Variants in SHISA9 observed in about 807,000 individuals in gnomAD.
SHISA9 encodes the protein protein shisa-9.
SHISA9 carries 13 observed loss-of-function variants against 38.0 expected under a neutral mutation model. The observed-to-expected ratio is 0.34, with a 90% CI of 0.22 to 0.54. SHISA9 has a LOEUF of 0.54. SHISA9 is among the 20% of genes least tolerant of loss of function. SHISA9 has a pLI of 0.91. For synonymous variants in SHISA9, 275 were observed against 242.0 expected, an observed-to-expected ratio of 1.14 and a Z score of -1.27; for missense variants, 538 against 575.8, an observed-to-expected ratio of 0.93 and a Z score of 0.67.
At chr16:13,383,327 A>T in the SHISA9 span, among the ~76,000 whole-genome samples, 6,368 of 152,310 alleles carry the variant, frequency 0.042, 271 homozygotes, top group African/African-American at 0.11. Flanking sequence ...GAGTGTGTGT[A>T]AAATACAAGA....
chr16:13,343,872 C>G, the SHISA9 span, among the ~76,000 whole-genome samples: 40 of 152,190 alleles, frequency 2.6e-4, 1 homozygote, highest in South Asian at 7.7e-3. Flanking sequence ...CAAGAAACCC[C>G]AGCATCAATA....
chr16:13,108,318 T>G (rs1001611733), intron 2 of SHISA9, among the ~76,000 whole-genome samples: 1 of 152,128 alleles, frequency 6.6e-6, no homozygotes, highest in Admixed American at 6.5e-5. Flanking sequence ...TTTGTAGAGA[T>G]AGGATCTTGT....
In SHISA9 at chr16:13,189,141, A is replaced by C. The variant is rs192368533; in HGVS notation, c.692-14253A>C. ...TTCTAGCTCTGGGGACTGTGAGATT[A>C]TAGATATATTTCCATTGTTTAAGCC... On this transcript the variant is annotated intron_variant, in intron 2 of 4. Coordinates refer to ENST00000558583, the MANE Select transcript of SHISA9 (RefSeq NM_001145204.3). Among the ~76,000 whole-genome samples the C allele has an allele frequency of 2.9e-3, 445 of 152,352 alleles. 3 individuals carry two copies. The highest frequency in any genetic ancestry group is 5.3e-3 in the Non-Finnish European group (363 of 68,028).
the SHISA9 span, among the ~76,000 whole-genome samples, chr16:13,495,515 ACTTTT>A: frequency 6.6e-6 from 1 of 152,126 alleles, no homozygotes; most frequent in Non-Finnish European, 1.5e-5. Context: ...ATTGGCAGTG[ACTTTT>A]CTTTTCTGGT....
At chr16:13,113,962 T>A (rs2074004586) in intron 2 of SHISA9, among the ~76,000 whole-genome samples, 1 of 152,174 alleles carries the variant, frequency 6.6e-6, no homozygotes, top group Non-Finnish European at 1.5e-5. Flanking sequence ...GCAAAGCGCT[T>A]ACCATGGACA....
chr16:13,111,344 C>CAA (rs35569425), intron 2 of SHISA9, among the ~76,000 whole-genome samples: 95 of 137,802 alleles, frequency 6.9e-4, no homozygotes, highest in African/African-American at 2.4e-3. Flanking sequence ...AAACAAATTA[C>CAA]AAAAAAAAAA....
At chr16:13,154,989 G>C (rs1596687153) in intron 2 of SHISA9, among the ~76,000 whole-genome samples, 3 of 152,214 alleles carry the variant, frequency 2.0e-5, no homozygotes, top group Admixed American at 2.0e-4. Flanking sequence ...TCAGATTGTA[G>C]ATGATGATGA....
Position 12,916,698 on chromosome 16 carries a change from G to A in SHISA9, c.574G>A (p.Asp192Asn), listed in dbSNP as rs1202330636. 6 of 1,550,582 alleles carry A rather than the reference G, an allele frequency of 3.9e-6. No individual in the cohort carries two copies. The highest frequency in any genetic ancestry group is 1.2e-5 in the South Asian group (1 of 83,778). ...QREHMSRALA[D>N]VMRPQGHCNT... The stretch of plus-strand genomic sequence containing the variant: ...TCTTTCTTCTTTCAGGGCCCTTGCG[G>A]ATGTCATGAGACCACAGGGCCACTG... Residue 192 changes from aspartate (D) to asparagine (N), a missense_variant, in exon 2 of 5, where the codon GAT (aspartate) becomes AAT (asparagine). Transcript: ENST00000558583.
At chr16:13,278,674 C>G in the SHISA9 span, among the ~76,000 whole-genome samples, 28 of 151,944 alleles carry the variant, frequency 1.8e-4, no homozygotes, top group African/African-American at 6.3e-4. Flanking sequence ...ATTTATCCAT[C>G]TCTTCTAGGT....
chr16:13,268,501 C>T, the SHISA9 span, among the ~76,000 whole-genome samples: 1 of 150,706 alleles, frequency 6.6e-6, no homozygotes, highest in African/African-American at 2.4e-5. Context: ...AAAAGCAAAA[C>T]TCGGTCTCAG....
At chr16:13,211,195 G>A (rs910615619) in intron 3 of SHISA9, among the ~76,000 whole-genome samples, 1 of 152,000 alleles carries the variant, frequency 6.6e-6, no homozygotes, top group Non-Finnish European at 1.5e-5. Flanking sequence ...TACTTGGGAG[G>A]CTGAGGCAGG....
At chr16:13,270,171 C>G in the SHISA9 span, among the ~76,000 whole-genome samples, 3 of 152,134 alleles carry the variant, frequency 2.0e-5, no homozygotes, top group Non-Finnish European at 4.4e-5. Flanking sequence ...TGCAGTTTGT[C>G]TTTATTTACA....
chr16:13,100,164 CA>C (rs1031857112), intron 2 of SHISA9, among the ~76,000 whole-genome samples: 1 of 152,218 alleles, frequency 6.6e-6, no homozygotes, highest in African/African-American at 2.4e-5. Context: ...CAGATTTTAA[CA>C]TATAATTGTG....
chr16:13,364,000 A>T, the SHISA9 span, among the ~76,000 whole-genome samples: 1 of 152,224 alleles, frequency 6.6e-6, no homozygotes, highest in Non-Finnish European at 1.5e-5. Flanking sequence ...TTTCCACATG[A>T]TTCCAGATTT....
intron 2 of SHISA9, among the ~76,000 whole-genome samples, chr16:13,057,777 C>T (rs1301119965): frequency 6.6e-6 from 1 of 152,142 alleles, no homozygotes; most frequent in Non-Finnish European, 1.5e-5. Flanking sequence ...GCCCTGCATG[C>T]CTTAACTTTT....
At chr16:13,319,594 T>C in the SHISA9 span, among the ~76,000 whole-genome samples, 32 of 152,220 alleles carry the variant, frequency 2.1e-4, no homozygotes, top group African/African-American at 7.2e-4. Context: ...CTCCCTTTTG[T>C]TGCTCCCTCT....
chr16:13,095,686 A>C (rs1423865352), intron 2 of SHISA9, among the ~76,000 whole-genome samples: 1 of 152,254 alleles, frequency 6.6e-6, no homozygotes, highest in Non-Finnish European at 1.5e-5. Context: ...AACGAGTTCC[A>C]TAAAGGCAGG....
chr16:13,220,425 G>A (rs948541420), intron 4 of SHISA9, among the ~76,000 whole-genome samples: 3 of 152,094 alleles, frequency 2.0e-5, no homozygotes, highest in African/African-American at 7.2e-5. Context: ...TTAGTCACAC[G>A]GAACAGAGTG....
the SHISA9 span, among the ~76,000 whole-genome samples, chr16:13,445,074 C>T: frequency 3.4e-5 from 5 of 147,726 alleles, no homozygotes; most frequent in Admixed American, 2.1e-4. Context: ...GTTGCCCAGG[C>T]TGGTCTCGAA....
Sources: gnomAD v4.1 joint callset for allele counts (sites outside exome capture counted in the v4.1 genomes callset) on GRCh38, gnomAD v4.1.1 for gene constraint, MANE v1.5 for transcripts, NCBI Gene and HGNC (gene_info 2026-07-23, HGNC 2026-07-21) for gene names.